The following LIMCH1 variants were observed in gnomAD, a reference collection of about 807,000 sequenced individuals.
LIMCH1 encodes LIM and calponin homology domains-containing protein 1.
Under a neutral mutation model 176.5 loss-of-function variants are expected in LIMCH1, and 113 were observed. That is an observed-to-expected ratio of 0.64 (90% CI 0.55 to 0.75). The LOEUF is 0.75. Ranked by LOEUF, LIMCH1 falls within the 30% of genes least tolerant of loss-of-function variation. The probability of loss-of-function intolerance (pLI) is 0.00; values close to 1 mark genes in which losing one functional copy is unlikely to be tolerated. For missense variants in LIMCH1, 1,674 were observed against 1,814.9 expected (o/e 0.92, Z 1.41); for synonymous variants, 619 against 645.9 (o/e 0.96, Z 0.63).
At chr4:41,660,489 T>C (rs1585485770) in intron 18 of LIMCH1, among the ~76,000 whole-genome samples, 1 of 152,158 alleles carries the variant, frequency 6.6e-6, no homozygotes, top group Non-Finnish European at 1.5e-5. Flanking sequence ...AAGGCAAACC[T>C]GGAGTCCCAG....
intron 1 of LIMCH1, among the ~76,000 whole-genome samples, chr4:41,405,805 G>T (rs2058899596): frequency 6.6e-6 from 1 of 151,830 alleles, no homozygotes; most frequent in South Asian, 2.1e-4. Flanking sequence ...CTTGTTAAGG[G>T]ATTTGATTTT....
chr4:41,383,442 G>A (rs1287317114), intron 1 of LIMCH1, among the ~76,000 whole-genome samples: 1 of 152,182 alleles, frequency 6.6e-6, no homozygotes, highest in African/African-American at 2.4e-5. Context: ...GTTGGATGTG[G>A]TGTGGGAGGA....
chr4:41,583,403 A>G (rs1455639969), intron 1 of LIMCH1, among the ~76,000 whole-genome samples: 1 of 152,184 alleles, frequency 6.6e-6, no homozygotes, highest in Non-Finnish European at 1.5e-5. Flanking sequence ...CAGCATATGC[A>G]ATGTGTTAAC....
rs1561991021 is a variant in LIMCH1 at position 41,629,747 on chromosome 4, T to C, written c.1271+13T>C. 6 of 1,526,508 alleles carry C rather than the reference T, an allele frequency of 3.9e-6. No individual in the cohort carries two copies. Among genetic ancestry groups the C allele is most frequent in the East Asian group, 2.5e-5 (1 of 40,678 alleles). 94.6% of individuals were successfully genotyped at this position (1,526,508 alleles called of 1,614,324 possible). A position where few individuals can be genotyped will look rare whatever the true frequency, so the allele number is the denominator to read the frequency against. ...CAGAAAAGGCGAGGTGTGTCATGTT[T>C]CCCCCCCAGTTTCCCCCTGGCAGTC... On this transcript the variant is annotated intron_variant, in intron 9 of 31. Transcript: ENST00000503057.
intron 1 of LIMCH1, among the ~76,000 whole-genome samples, chr4:41,442,363 C>T (rs1391746101): frequency 6.6e-6 from 1 of 151,758 alleles, no homozygotes; most frequent in Non-Finnish European, 1.5e-5. Flanking sequence ...CTGGAACAAA[C>T]CATCAAAGAT....
rs778450990 is a variant in LIMCH1, at chr4:41,619,248, A to T, written c.266A>T (p.Asp89Val). The T allele has an allele frequency of 6.2e-7, 1 of 1,614,220 alleles. No individual in the cohort carries two copies. Among genetic ancestry groups the T allele is most frequent in the Non-Finnish European group, 8.5e-7 (1 of 1,180,032 alleles). Reference sequence around the variant, plus strand: ...CGGAAGCTGCCAGATGTGAAGAAGGATGACATGTCTGCACGGCGGACTTCC... The same window carrying T: ...CGGAAGCTGCCAGATGTGAAGAAGGTTGACATGTCTGCACGGCGGACTTCC... ...PHRKLPDVKK[D>V]DMSARRTSHG... Residue 89 changes from aspartate to valine, a missense_variant, in exon 6 of 32, where the codon GAT becomes GTT. This residue lies in a region of LIMCH1 where 655 missense variants were observed against 692.2 expected (regional missense o/e 0.95). Transcript: ENST00000503057.
chr4:41,363,631 C>T (rs1581025714), intron 1 of LIMCH1, among the ~76,000 whole-genome samples: 1 of 152,112 alleles, frequency 6.6e-6, no homozygotes, highest in Admixed American at 6.5e-5. Context: ...AGGAATTTCT[C>T]GGCGTGCAGC....
intron 7 of LIMCH1, among the ~76,000 whole-genome samples, chr4:41,622,627 T>C (rs1561959626): frequency 6.6e-6 from 1 of 152,214 alleles, no homozygotes; most frequent in Admixed American, 6.5e-5. Flanking sequence ...GCCACTTCAG[T>C]ACCTGGGACG....
In LIMCH1 at chr4:41,632,421, G is replaced by A. The variant is rs559461868; in HGVS notation, c.1602-328G>A. Among the ~76,000 whole-genome samples the A allele has an allele frequency of 2.6e-5, 4 of 152,222 alleles. No homozygotes were observed. The East Asian group carries it at 7.7e-4, about 29-fold the overall frequency. On this transcript the variant is annotated intron_variant, in intron 10 of 31. Transcript: ENST00000503057. Reference sequence around the variant, plus strand: ...ATAAACACCAGAAATAAAGAGTTGAGGTTTCAGAGGATGGTGGGGATCTGG... The same window carrying A: ...ATAAACACCAGAAATAAAGAGTTGAAGTTTCAGAGGATGGTGGGGATCTGG...
intron 1 of LIMCH1, among the ~76,000 whole-genome samples, chr4:41,546,653 C>T (rs1228547779): frequency 6.6e-6 from 1 of 152,038 alleles, no homozygotes; most frequent in Admixed American, 6.6e-5. Context: ...TTCCACTTAG[C>T]ATGTTATTCC....
At chr4:41,490,063 G>A (rs1196028573) in intron 1 of LIMCH1, among the ~76,000 whole-genome samples, 2 of 152,070 alleles carry the variant, frequency 1.3e-5, no homozygotes, top group Non-Finnish European at 2.9e-5. Context: ...ATCTTCATAT[G>A]GGGTAGACTG....
At chr4:41,410,111 A>C (rs1040809124) in intron 1 of LIMCH1, among the ~76,000 whole-genome samples, 9 of 152,178 alleles carry the variant, frequency 5.9e-5, no homozygotes, top group African/African-American at 1.9e-4. Context: ...CTGGAAAAAA[A>C]AATCAGATTC....
At chr4:41,619,941 G>GT in intron 6 of LIMCH1, 1 of 181,694 alleles carries the variant, frequency 5.5e-6, no homozygotes. Flanking sequence ...GAGAAACAGT[G>GT]TTTTAATCTC....
In LIMCH1 at chr4:41,654,955, T is replaced by C. The variant is rs140968269; in HGVS notation, c.3036+4347T>C. ...TTTCATTTAAAAATACTGGCTTCTG[T>C]AAGAAAATCATGTTATAGCACACAA... On this transcript the variant is annotated intron_variant, in intron 18 of 31. Transcript: ENST00000503057. Among the ~76,000 whole-genome samples the C allele has an allele frequency of 4.9e-3, 743 of 152,200 alleles. 3 individuals carry two copies. The highest frequency in any genetic ancestry group is 7.9e-3 in the South Asian group (38 of 4,798).
Position 41,634,591 on chromosome 4 carries a change from TTAATC to T in LIMCH1, c.2090+786_2090+790del, listed in dbSNP as rs569533733. ...CCCTAGCCATCTTGATCACCTGAAT[TTAATC>T]TATATTTTACATTCTTCTGAATAAA... On this transcript the variant is annotated intron_variant, in intron 13 of 31. Transcript: ENST00000503057. Among the ~76,000 whole-genome samples, 403 of 152,278 alleles carry T rather than the reference TTAATC, an allele frequency of 2.6e-3. 1 individual carries two copies. The highest frequency in any genetic ancestry group is 9.4e-3 in the African/African-American group (391 of 41,548).
At chr4:41,409,950 C>A (rs2059335350) in intron 1 of LIMCH1, among the ~76,000 whole-genome samples, 3 of 152,088 alleles carry the variant, frequency 2.0e-5, no homozygotes, top group South Asian at 4.1e-4. Flanking sequence ...GATTTAAATT[C>A]TTTAAAAACA....
chr4:41,400,375 C>G (rs554447300), intron 1 of LIMCH1, among the ~76,000 whole-genome samples: 1 of 152,102 alleles, frequency 6.6e-6, no homozygotes, highest in African/African-American at 2.4e-5. Context: ...TTTTCTCTGT[C>G]AATTTTTTTC....
At chr4:41,648,687 G>GTGTGTT (rs1280436080) in intron 17 of LIMCH1, among the ~76,000 whole-genome samples, 3 of 150,728 alleles carry the variant, frequency 2.0e-5, no homozygotes. Context: ...GTGTGTGTGT[G>GTGTGTT]TGTGTGTGTG....
At position 41,650,394 on chromosome 4, in the gene LIMCH1, T is replaced by A; in HGVS notation, c.2822T>A (p.Val941Glu). 1 of 1,613,360 alleles carries A rather than the reference T, an allele frequency of 6.2e-7. No homozygotes were observed. Among genetic ancestry groups the A allele is most frequent in the Non-Finnish European group, 8.5e-7 (1 of 1,179,406 alleles). Residue 941 changes from valine (V) to glutamate (E), a missense_variant and splice_region_variant, in exon 18 of 32, where the codon GTA (valine) becomes GAA (glutamate). Val to Glu is a moderately radical substitution (Grantham distance 121). This residue lies in a region of LIMCH1 where 1,015 missense variants were observed against 1,102.5 expected (regional missense o/e 0.92). Coordinates refer to ENST00000503057, the MANE Select transcript of LIMCH1 (RefSeq NM_001330672.2). ...TTTTGTTCATTCTGGCTTTTATAGG[T>A]AGACGGGAAAGTCAGTGTGAATGGA... ...NSQDVLKTFK[V>E]DGKVSVNGET...
Sources: allele counts gnomAD v4.1 joint callset (sites outside exome capture counted in the v4.1 genomes callset), GRCh38; gene constraint gnomAD v4.1.1; regional missense constraint gnomAD v4.1.1; transcripts MANE v1.5; gene names NCBI Gene and HGNC (gene_info 2026-07-23, HGNC 2026-07-21).